PARVA: variants seen among roughly 807,000 people sequenced by gnomAD.
The protein encoded by PARVA is alpha-parvin.
Under a neutral mutation model 52.6 loss-of-function variants are expected in PARVA, and 25 were observed. The observed-to-expected ratio is 0.48, with a 90% CI of 0.35 to 0.66. The LOEUF (loss-of-function observed/expected upper bound fraction) is 0.66, where lower values mean the gene tolerates loss of function less well. Ranked by LOEUF, PARVA falls within the 30% of genes least tolerant of loss-of-function variation. The pLI is 0.01. For missense variants in PARVA, 373 were observed against 450.9 expected, an observed-to-expected ratio of 0.83 and a Z score of 1.56; for synonymous variants, 185 against 179.1, an observed-to-expected ratio of 1.03 and a Z score of -0.26.
chr11:12,416,391 A>G (rs1460514536), intron 1 of PARVA, among the ~76,000 whole-genome samples: 1 of 152,230 alleles, frequency 6.6e-6, no homozygotes, highest in Non-Finnish European at 1.5e-5. Context: ...GCTGTGTGAC[A>G]TGAATCTTGC....
intron 1 of PARVA, among the ~76,000 whole-genome samples, chr11:12,456,077 T>G (rs1364090963): frequency 6.6e-6 from 1 of 152,196 alleles, no homozygotes; most frequent in Non-Finnish European, 1.5e-5. Flanking sequence ...TAAAGTCTCC[T>G]CCAGTTTTGT....
At chr11:12,464,781 G>A (rs771098353) in intron 1 of PARVA, among the ~76,000 whole-genome samples, 5 of 152,158 alleles carry the variant, frequency 3.3e-5, no homozygotes, top group Non-Finnish European at 5.9e-5. Flanking sequence ...AGTATTGAAA[G>A]GTGGGGCCTT....
chr11:12,507,137 C>T (rs1189964524), intron 6 of PARVA, among the ~76,000 whole-genome samples: 1 of 151,892 alleles, frequency 6.6e-6, no homozygotes, highest in Non-Finnish European at 1.5e-5. Flanking sequence ...TTGGTCTTAT[C>T]CAGTTCTTCC....
chr11:12,503,394 G>A (rs1323298587), intron 5 of PARVA, among the ~76,000 whole-genome samples: 3 of 152,304 alleles, frequency 2.0e-5, no homozygotes, highest in Non-Finnish European at 4.4e-5. Context: ...GGAGTGCAGA[G>A]CAGACATGCT....
chr11:12,513,737 A>G, intron 9 of PARVA: 1 of 588,438 alleles, frequency 1.7e-6, no homozygotes, highest in Non-Finnish European at 3.0e-6. Context: ...TGGCTCAGAC[A>G]CTCCACCTAT....
intron 4 of PARVA, among the ~76,000 whole-genome samples, chr11:12,483,239 G>A (rs1941111689): frequency 6.6e-6 from 1 of 152,122 alleles, no homozygotes; most frequent in South Asian, 2.1e-4. Context: ...GTATTCCCTG[G>A]GTCTTCCCAC....
At chr11:12,419,224 C>G (rs1161509779) in intron 1 of PARVA, among the ~76,000 whole-genome samples, 1 of 152,140 alleles carries the variant, frequency 6.6e-6, no homozygotes, top group African/African-American at 2.4e-5. Context: ...CTCCTAAACC[C>G]TTTTCATCTT....
chr11:12,428,336 G>A (rs1032876232), intron 1 of PARVA, among the ~76,000 whole-genome samples: 2 of 152,190 alleles, frequency 1.3e-5, no homozygotes, highest in African/African-American at 4.8e-5. Context: ...AGGAAGGAAA[G>A]TAAGAGGAAA....
At chr11:12,460,195 G>A (rs767098494) in intron 1 of PARVA, among the ~76,000 whole-genome samples, 9 of 152,184 alleles carry the variant, frequency 5.9e-5, no homozygotes, top group Non-Finnish European at 1.0e-4. Context: ...AAACATTTTC[G>A]TATAGAAAGC....
At chr11:12,461,042 A>G (rs1026614558) in intron 1 of PARVA, among the ~76,000 whole-genome samples, 14 of 152,082 alleles carry the variant, frequency 9.2e-5, no homozygotes, top group Non-Finnish European at 1.8e-4. Flanking sequence ...CTCACATTAA[A>G]ACATCCTCCA....
intron 7 of PARVA, among the ~76,000 whole-genome samples, chr11:12,509,069 G>A (rs549260668): frequency 6.9e-6 from 1 of 145,560 alleles, no homozygotes; most frequent in Non-Finnish European, 1.5e-5. Flanking sequence ...CTTTTGGTTT[G>A]GGGTGGTTTT....
chr11:12,505,420 G>A (rs1422739359), intron 6 of PARVA, among the ~76,000 whole-genome samples: 3 of 152,336 alleles, frequency 2.0e-5, no homozygotes, highest in Middle Eastern at 3.4e-3. Flanking sequence ...TCAACAGGAG[G>A]AGACAAGGAA....
At chr11:12,397,190 AT>A (rs1207193551) in intron 1 of PARVA, among the ~76,000 whole-genome samples, 1 of 152,108 alleles carries the variant, frequency 6.6e-6, no homozygotes, top group Non-Finnish European at 1.5e-5. Context: ...AAGTTTTTTT[AT>A]AGGCTGAAAG....
chr11:12,411,398 A>C (rs1406524771), intron 1 of PARVA, among the ~76,000 whole-genome samples: 1 of 152,194 alleles, frequency 6.6e-6, no homozygotes, highest in Non-Finnish European at 1.5e-5. Flanking sequence ...TATTATAATT[A>C]ATGAACCAAT....
At chr11:12,523,853 G>A (rs754401748) in intron 12 of PARVA, among the ~76,000 whole-genome samples, 4 of 152,190 alleles carry the variant, frequency 2.6e-5, no homozygotes, top group Admixed American at 6.5e-5. Flanking sequence ...GGGCTTTGAC[G>A]TGGCTCTGTT....
intron 1 of PARVA, among the ~76,000 whole-genome samples, chr11:12,468,583 G>A (rs1423507900): frequency 1.3e-5 from 2 of 152,162 alleles, no homozygotes; most frequent in African/African-American, 4.8e-5. Flanking sequence ...CTGAGGCCTA[G>A]AAAAATACCT....
At chr11:12,401,868 T>C (rs1384855558) in intron 1 of PARVA, among the ~76,000 whole-genome samples, 2 of 152,218 alleles carry the variant, frequency 1.3e-5, no homozygotes, top group East Asian at 3.8e-4. Flanking sequence ...AATATAGGCA[T>C]GGGAGTGTGA....
intron 8 of PARVA, among the ~76,000 whole-genome samples, chr11:12,512,775 A>T (rs1241541168): frequency 6.6e-6 from 1 of 152,146 alleles, no homozygotes; most frequent in East Asian, 1.9e-4. Flanking sequence ...GAGGAAACTA[A>T]GGCACAAAGA....
At chr11:12,500,375 A>C (rs1941349426) in intron 5 of PARVA, among the ~76,000 whole-genome samples, 1 of 152,152 alleles carries the variant, frequency 6.6e-6, no homozygotes, top group South Asian at 2.1e-4. Context: ...GAGCACAGGG[A>C]GAAAATTCCC....
Sources: gnomAD v4.1 joint callset for allele counts (sites outside exome capture counted in the v4.1 genomes callset) on GRCh38, gnomAD v4.1.1 for gene constraint, MANE v1.5 for transcripts, NCBI Gene and HGNC (gene_info 2026-07-23, HGNC 2026-07-21) for gene names.